The following TEAD1 variants were observed in gnomAD, a reference collection of about 807,000 sequenced individuals.
The protein encoded by TEAD1 is transcriptional enhancer factor TEF-1.
TEAD1 carries 9 observed loss-of-function variants against 54.9 expected under a neutral mutation model. The observed-to-expected ratio is 0.16, with a 90% CI of 0.10 to 0.29. The LOEUF is 0.29. TEAD1 is among the 10% of genes least tolerant of loss of function. The pLI is 1.00. For missense variants in TEAD1, 387 were observed against 535.9 expected, an observed-to-expected ratio of 0.72 and a Z score of 2.74; for synonymous variants, 200 against 187.8, an observed-to-expected ratio of 1.07 and a Z score of -0.53.
At chr11:12,838,493 A>T (rs1331671668) in intron 3 of TEAD1, among the ~76,000 whole-genome samples, 1 of 152,234 alleles carries the variant, frequency 6.6e-6, no homozygotes, top group East Asian at 1.9e-4. Context: ...TACTGGCAGC[A>T]AATTAAAGAC....
intron 2 of TEAD1, among the ~76,000 whole-genome samples, chr11:12,740,922 G>C (rs1463831191): frequency 1.3e-5 from 2 of 151,904 alleles, no homozygotes; most frequent in Non-Finnish European, 2.9e-5. Context: ...TTGTATTCAA[G>C]GGCTTGAATG....
At chr11:12,734,760 C>CT (rs1944493017) in intron 2 of TEAD1, among the ~76,000 whole-genome samples, 1 of 152,106 alleles carries the variant, frequency 6.6e-6, no homozygotes, top group African/African-American at 2.4e-5. Context: ...ACCAAATAGC[C>CT]TAGATGTGTA....
intron 3 of TEAD1, among the ~76,000 whole-genome samples, chr11:12,771,188 T>C (rs1186986555): frequency 6.6e-6 from 1 of 152,144 alleles, no homozygotes. Context: ...AATGAAAATA[T>C]CTCCTGGGGG....
At chr11:12,711,966 C>T (rs946364104) in intron 2 of TEAD1, among the ~76,000 whole-genome samples, 14 of 152,132 alleles carry the variant, frequency 9.2e-5, no homozygotes, top group African/African-American at 3.4e-4. Flanking sequence ...TCTCTCTTCT[C>T]TACTCCTCTT....
At chr11:12,697,587 A>G (rs1212912888) in intron 2 of TEAD1, among the ~76,000 whole-genome samples, 1 of 152,190 alleles carries the variant, frequency 6.6e-6, no homozygotes, top group African/African-American at 2.4e-5. Flanking sequence ...ATTTGAAGCC[A>G]TTTTTACTTG....
chr11:12,887,886 C>T (rs971792010), intron 9 of TEAD1, among the ~76,000 whole-genome samples: 1 of 152,152 alleles, frequency 6.6e-6, no homozygotes, highest in African/African-American at 2.4e-5. Flanking sequence ...GTAAGTTAAA[C>T]TTTGCATTTG....
At chr11:12,888,919 C>T (rs1948143315) in intron 9 of TEAD1, among the ~76,000 whole-genome samples, 1 of 152,082 alleles carries the variant, frequency 6.6e-6, no homozygotes, top group South Asian at 2.1e-4. Context: ...CCGTAAGGAG[C>T]TAATGGGAGA....
chr11:12,851,604 G>A (rs559239368), intron 3 of TEAD1, among the ~76,000 whole-genome samples: 1 of 152,220 alleles, frequency 6.6e-6, no homozygotes, highest in South Asian at 2.1e-4. Context: ...GACCAGCCTG[G>A]CCAACATTGT....
At chr11:12,930,412 G>C in intron 12 of TEAD1, 86 bp downstream of exon 12, 1 of 1,542,182 alleles carries the variant, frequency 6.5e-7, no homozygotes, top group Non-Finnish European at 8.9e-7. Context: ...GAGGCGCTGG[G>C]CCTGCGCCGA....
intron 3 of TEAD1, among the ~76,000 whole-genome samples, chr11:12,806,698 A>G (rs1946179945): frequency 1.3e-5 from 2 of 152,222 alleles, no homozygotes; most frequent in African/African-American, 4.8e-5. Context: ...GTTTCAACCA[A>G]GTAGTTGGGT....
chr11:12,776,772 A>T (rs957123356), intron 3 of TEAD1, among the ~76,000 whole-genome samples: 1 of 124,224 alleles, frequency 8.0e-6, no homozygotes, highest in African/African-American at 5.2e-5. Context: ...TATTATTATT[A>T]TTATTATTAT....
At chr11:12,789,375 C>T (rs887174559) in intron 3 of TEAD1, among the ~76,000 whole-genome samples, 1 of 152,120 alleles carries the variant, frequency 6.6e-6, no homozygotes, top group Non-Finnish European at 1.5e-5. Context: ...ATTATTTTTG[C>T]TATATTCATA....
At chr11:12,781,454 A>G (rs1384885794) in intron 3 of TEAD1, among the ~76,000 whole-genome samples, 1 of 152,206 alleles carries the variant, frequency 6.6e-6, no homozygotes, top group Non-Finnish European at 1.5e-5. Context: ...AGAATATATA[A>G]AGGACTTTTG....
Position 12,938,485 on chromosome 11 carries a change from G to A in TEAD1, c.*1263G>A, listed in dbSNP as rs891139693. On this transcript the variant is annotated 3_prime_UTR_variant, in exon 13 of 13. Transcript: ENST00000527636. The stretch of plus-strand genomic sequence containing the variant: ...AACACATTTAGTGAACACTTGTTTA[G>A]TGTCACTCAGTTTGCTAGGTGCTGA... 2 of 152,266 alleles carry A rather than the reference G, an allele frequency of 1.3e-5. No homozygotes were observed. The highest frequency in any genetic ancestry group is 1.3e-4 in the Admixed American group (2 of 15,286). 9.4% of individuals were successfully genotyped at this position (152,266 alleles called of 1,614,324 possible). A position where few individuals can be genotyped will look rare whatever the true frequency, so the allele number is the denominator to read the frequency against.
intron 12 of TEAD1, among the ~76,000 whole-genome samples, chr11:12,935,176 G>A (rs770770288): frequency 1.3e-4 from 20 of 152,160 alleles, no homozygotes; most frequent in African/African-American, 4.1e-4. Context: ...CAGGGCATTC[G>A]TAGAACAGGG....
intron 3 of TEAD1, among the ~76,000 whole-genome samples, chr11:12,773,431 G>T (rs1156622063): frequency 6.6e-6 from 1 of 152,134 alleles, no homozygotes; most frequent in African/African-American, 2.4e-5. Context: ...CCAGCATTTG[G>T]TGTCATCACC....
At chr11:12,736,281 C>T (rs1165076799) in intron 2 of TEAD1, among the ~76,000 whole-genome samples, 1 of 152,104 alleles carries the variant, frequency 6.6e-6, no homozygotes, top group Non-Finnish European at 1.5e-5. Context: ...AAAGGCTTTA[C>T]GTTTTCTAGC....
chr11:12,714,961 G>C (rs1307072507), intron 2 of TEAD1, among the ~76,000 whole-genome samples: 1 of 152,100 alleles, frequency 6.6e-6, no homozygotes, highest in Non-Finnish European at 1.5e-5. Context: ...TTGGGATTAG[G>C]GGTTCAACAT....
chr11:12,888,805 T>G (rs1452001188), intron 9 of TEAD1, among the ~76,000 whole-genome samples: 1 of 152,224 alleles, frequency 6.6e-6, no homozygotes, highest in African/African-American at 2.4e-5. Flanking sequence ...ACATGGGAAG[T>G]AGGATTCAGA....
Sources: gnomAD v4.1 joint callset for allele counts (sites outside exome capture counted in the v4.1 genomes callset) on GRCh38, gnomAD v4.1.1 for gene constraint, MANE v1.5 for transcripts, NCBI Gene and HGNC (gene_info 2026-07-23, HGNC 2026-07-21) for gene names.